The following NCAM2 variants were observed in gnomAD, a reference collection of about 807,000 sequenced individuals.
NCAM2 encodes N-CAM-2.
Under a neutral mutation model 98.1 loss-of-function variants are expected in NCAM2, and 30 were observed. That is an observed-to-expected ratio of 0.31 (90% CI 0.23 to 0.41). NCAM2 has a LOEUF of 0.41. Among genes scored for constraint, NCAM2 ranks in the 10% least tolerant of loss-of-function variants. NCAM2 has a pLI of 1.00. For missense variants in NCAM2, 867 were observed against 1,005.8 expected, an observed-to-expected ratio of 0.86 and a Z score of 1.87; for synonymous variants, 368 against 342.4, an observed-to-expected ratio of 1.07 and a Z score of -0.83.
At chr21:21,371,693 T>C (rs767245331) in intron 8 of NCAM2, among the ~76,000 whole-genome samples, 6 of 151,852 alleles carry the variant, frequency 4.0e-5, no homozygotes, top group Non-Finnish European at 8.8e-5. Flanking sequence ...CACTTACTCC[T>C]AGAAAGATAT....
At position 21,087,066 on chromosome 21, in the gene NCAM2, A is replaced by ATG. The variant is rs200127999; in HGVS notation, c.55+88459_55+88460dup. On this transcript the variant is annotated intron_variant, in intron 1 of 17. Coordinates refer to ENST00000400546, the MANE Select transcript of NCAM2 (RefSeq NM_004540.5). ...TGACATGAAAGTTTATGTTAAGATT[A>ATG]TGTGTGTGTGTGCGTGTGTGTGTGT... Among the ~76,000 whole-genome samples the ATG allele has an allele frequency of 3.0e-4, 45 of 151,698 alleles. No individual in the cohort carries two copies. In the East Asian group the frequency reaches 4.5e-3, roughly 15 times the overall value.
chr21:21,036,249 G>A (rs1295034801), intron 1 of NCAM2, among the ~76,000 whole-genome samples: 1 of 152,112 alleles, frequency 6.6e-6, no homozygotes, highest in Non-Finnish European at 1.5e-5. Context: ...AAAGATTTCA[G>A]AAAGTGAAGT....
intron 2 of NCAM2, 114 bp downstream of exon 2, chr21:21,280,766 C>G: frequency 1.5e-6 from 1 of 670,764 alleles, no homozygotes; most frequent in Non-Finnish European, 2.3e-6. Context: ...TAACATCTTA[C>G]AGTTGGTTTT....
At chr21:21,439,139 A>G (rs1320965058) in intron 12 of NCAM2, among the ~76,000 whole-genome samples, 2 of 148,774 alleles carry the variant, frequency 1.3e-5, no homozygotes, top group Non-Finnish European at 3.0e-5. Context: ...TTTTTTTGAT[A>G]CAGAGTCTTG....
At chr21:21,134,631 G>T (rs938547762) in intron 1 of NCAM2, among the ~76,000 whole-genome samples, 3 of 151,548 alleles carry the variant, frequency 2.0e-5, no homozygotes, top group Non-Finnish European at 4.4e-5. Flanking sequence ...ATGAGATATA[G>T]TCTTTAGATT....
In NCAM2 at chr21:21,364,736, C is replaced by T. The variant is rs139386794; in HGVS notation, c.1045-9127C>T. Among the ~76,000 whole-genome samples, 419 of 151,826 alleles carry T rather than the reference C, an allele frequency of 2.8e-3. 3 individuals carry two copies. Among genetic ancestry groups the T allele is most frequent in the African/African-American group, 9.6e-3 (397 of 41,396 alleles). Reference sequence around the variant, plus strand: ...TGGTATCAGTCCAATAAAATTAATACTTTGAATAAGGATGTGTTCTATAAC... The same window carrying T: ...TGGTATCAGTCCAATAAAATTAATATTTTGAATAAGGATGTGTTCTATAAC... On this transcript the variant is annotated intron_variant, in intron 8 of 17. Transcript: ENST00000400546.
chr21:21,010,906 A>G (rs73228165), intron 1 of NCAM2, among the ~76,000 whole-genome samples: 7,084 of 152,222 alleles, frequency 0.047, 212 homozygotes, highest in Non-Finnish European at 0.058. Context: ...TCAAAGACTA[A>G]TCACTGTTTT....
At chr21:21,524,114 T>C (rs1241455134) in intron 16 of NCAM2, among the ~76,000 whole-genome samples, 1 of 151,960 alleles carries the variant, frequency 6.6e-6, no homozygotes, top group Non-Finnish European at 1.5e-5. Flanking sequence ...AGACATACTA[T>C]GCTAACATGA....
At chr21:21,413,733 C>T (rs2076932709) in intron 10 of NCAM2, among the ~76,000 whole-genome samples, 1 of 152,088 alleles carries the variant, frequency 6.6e-6, no homozygotes, top group African/African-American at 2.4e-5. Flanking sequence ...CAAGTTGTAA[C>T]TTTTTTCATT....
intron 12 of NCAM2, among the ~76,000 whole-genome samples, chr21:21,453,196 T>C (rs1330496220): frequency 1.4e-5 from 2 of 147,956 alleles, no homozygotes; most frequent in Non-Finnish European, 3.0e-5. Context: ...TGATATAAAG[T>C]ATGAAGAAAA....
chr21:21,271,489 T>C (rs191454861), intron 1 of NCAM2, among the ~76,000 whole-genome samples: 68 of 152,334 alleles, frequency 4.5e-4, no homozygotes, highest in African/African-American at 1.5e-3. Context: ...TGTAGGGTAA[T>C]ATCATGCCTT....
chr21:21,528,936 A>C (rs927818037), intron 16 of NCAM2, among the ~76,000 whole-genome samples: 40 of 152,310 alleles, frequency 2.6e-4, no homozygotes, highest in African/African-American at 9.6e-4. Flanking sequence ...TATATACTTC[A>C]GCACTTTATT....
chr21:21,501,942 T>C (rs575681862), intron 15 of NCAM2, among the ~76,000 whole-genome samples: 1 of 152,126 alleles, frequency 6.6e-6, no homozygotes, highest in Admixed American at 6.5e-5. Context: ...ACACTGATAA[T>C]ACATTTCCCA....
chr21:21,154,023 A>C (rs2067532655), intron 1 of NCAM2, among the ~76,000 whole-genome samples: 1 of 151,886 alleles, frequency 6.6e-6, no homozygotes, highest in Non-Finnish European at 1.5e-5. Context: ...AAGTGAAAAA[A>C]ATGTTTTAGA....
Position 21,373,565 on chromosome 21 carries a change from A to G in NCAM2, c.1045-298A>G, listed in dbSNP as rs141112714. Among the ~76,000 whole-genome samples, 441 of 151,976 alleles carry G rather than the reference A, an allele frequency of 2.9e-3. 2 individuals carry two copies. The highest frequency in any genetic ancestry group is 3.8e-3 in the Non-Finnish European group (258 of 67,880). On this transcript the variant is annotated intron_variant, in intron 8 of 17. Coordinates refer to ENST00000400546, the MANE Select transcript of NCAM2 (RefSeq NM_004540.5). ...TGCTTGGACAGAAAGGTGATACCAC[A>G]TGAGAGATCTTTAAACATCAGGCTG...
At chr21:21,394,052 T>G (rs2076442315) in intron 9 of NCAM2, among the ~76,000 whole-genome samples, 2 of 152,198 alleles carry the variant, frequency 1.3e-5, no homozygotes, top group South Asian at 2.1e-4. Flanking sequence ...TAGGTATTCC[T>G]TAATAAAAAT....
At chr21:21,229,380 A>G (rs1753400499) in intron 1 of NCAM2, among the ~76,000 whole-genome samples, 1 of 151,586 alleles carries the variant, frequency 6.6e-6, no homozygotes, top group South Asian at 2.1e-4. Context: ...AAAACAAAAT[A>G]TGATAGTGTC....
intron 1 of NCAM2, chr21:21,210,570 A>G (rs2069612318): frequency 3.1e-6 from 4 of 1,288,678 alleles, no homozygotes; most frequent in African/African-American, 1.5e-5. Flanking sequence ...CGATGGTGAG[A>G]TCTGATTCAG....
At chr21:21,273,247 AG>A (rs2072597191) in intron 1 of NCAM2, among the ~76,000 whole-genome samples, 1 of 152,216 alleles carries the variant, frequency 6.6e-6, no homozygotes, top group African/African-American at 2.4e-5. Context: ...GAAATGTTTG[AG>A]GAATAAAGTA....
Sources: gnomAD v4.1 joint callset for allele counts (sites outside exome capture counted in the v4.1 genomes callset) on GRCh38, gnomAD v4.1.1 for gene constraint, MANE v1.5 for transcripts, NCBI Gene and HGNC (gene_info 2026-07-23, HGNC 2026-07-21) for gene names.